The following AFF1 variants were observed in gnomAD, a reference collection of about 807,000 sequenced individuals.
AFF1 encodes AF4/FMR2 family member 1.
A neutral mutation model predicts 121.7 loss-of-function variants in AFF1; 48 were observed. That is an observed-to-expected ratio of 0.39 (90% CI 0.31 to 0.50). AFF1 has a LOEUF of 0.50. AFF1 is among the 20% of genes least tolerant of loss of function. The pLI is 0.76. For missense variants in AFF1, 1,523 were observed against 1,511.7 expected, an observed-to-expected ratio of 1.01 and a Z score of -0.12; for synonymous variants, 613 against 563.0, an observed-to-expected ratio of 1.09 and a Z score of -1.26.
chr4:87,110,186 ACTTTCT>A (rs1323151220), intron 11 of AFF1, among the ~76,000 whole-genome samples: 3 of 150,678 alleles, frequency 2.0e-5, no homozygotes, highest in Non-Finnish European at 4.4e-5. Flanking sequence ...TTTTTTTTTA[ACTTTCT>A]CTTTTCTTTG....
intron 2 of AFF1, among the ~76,000 whole-genome samples, chr4:86,967,112 A>C (rs1459299596): frequency 6.6e-6 from 1 of 152,184 alleles, no homozygotes; most frequent in African/African-American, 2.4e-5. Flanking sequence ...TGTCAGTGCT[A>C]TCAGGGAAAT....
rs1161232674 is a variant in AFF1 at position 87,126,685 on chromosome 4, G to GA, written c.2812-335dup. On this transcript the variant is annotated intron_variant, in intron 14 of 20. Transcript: ENST00000395146. ...TACTTTCATTCTTGGTTATAGTGGG[G>GA]AAAAAATGATCCACTTTCTCAAATA... 2.0e-5 allele frequency among the ~76,000 whole-genome samples: 3 copies of GA among 152,180 alleles called. No individual in the cohort carries two copies. In the East Asian group the frequency reaches 5.8e-4, roughly 29 times the overall value.
At chr4:87,052,405 T>A (rs1229862799) in intron 4 of AFF1, among the ~76,000 whole-genome samples, 1 of 152,184 alleles carries the variant, frequency 6.6e-6, no homozygotes, top group East Asian at 1.9e-4. Context: ...AGTGAGACCC[T>A]GTCTCAACCG....
chr4:86,988,521 A>G (rs1309700227), intron 2 of AFF1, among the ~76,000 whole-genome samples: 1 of 152,160 alleles, frequency 6.6e-6, no homozygotes, highest in Non-Finnish European at 1.5e-5. Flanking sequence ...ATTAAAAACC[A>G]CTGCTCAAGG....
intron 2 of AFF1, among the ~76,000 whole-genome samples, chr4:86,977,624 G>C (rs1690772255): frequency 6.6e-6 from 1 of 152,152 alleles, no homozygotes; most frequent in Non-Finnish European, 1.5e-5. Flanking sequence ...TCTTATCTCT[G>C]CTGTGGCGTT....
At chr4:86,951,893 C>T (rs553020601) in intron 2 of AFF1, among the ~76,000 whole-genome samples, 23 of 149,792 alleles carry the variant, frequency 1.5e-4, no homozygotes, top group Admixed American at 4.6e-4. Flanking sequence ...GGATTACAGG[C>T]GTGGGCCACC....
At position 87,062,898 on chromosome 4, in the gene AFF1, G is replaced by GATGGAAATAATTATTTGGAAATAATA. The variant is rs1184274417; in HGVS notation, c.1059+15307_1059+15308insGAAATAATTATTTGGAAATAATAATG. On this transcript the variant is annotated intron_variant, in intron 4 of 20. Coordinates refer to ENST00000395146, the MANE Select transcript of AFF1 (RefSeq NM_001166693.3). ...AAGGTTTTGTTTTTGGAAATAATTA[G>GATGGAAATAATTATTTGGAAATAATA]ATGAGGCTTTTAGGCATTATATATA... 2.8e-4 allele frequency among the ~76,000 whole-genome samples: 42 copies of GATGGAAATAATTATTTGGAAATAATA among 152,278 alleles called. No individual in the cohort carries two copies. The Middle Eastern group carries it at 0.014, about 49-fold the overall frequency.
chr4:87,056,526 A>G (rs146957973), intron 4 of AFF1, among the ~76,000 whole-genome samples: 23 of 152,356 alleles, frequency 1.5e-4, no homozygotes, highest in African/African-American at 5.0e-4. Flanking sequence ...GTTACTTCCA[A>G]CATTTTTTCA....
At chr4:87,000,840 G>A (rs1725654427) in intron 2 of AFF1, among the ~76,000 whole-genome samples, 1 of 152,062 alleles carries the variant, frequency 6.6e-6, no homozygotes, top group South Asian at 2.1e-4. Flanking sequence ...AGGTAAAGTT[G>A]AGCAGTAATT....
At chr4:86,963,315 G>T (rs779446391) in intron 2 of AFF1, among the ~76,000 whole-genome samples, 1 of 151,728 alleles carries the variant, frequency 6.6e-6, no homozygotes, top group Non-Finnish European at 1.5e-5. Flanking sequence ...GAAGTTCTCT[G>T]TTCTTAATCC....
At chr4:87,022,250 T>G (rs1037030280) in intron 2 of AFF1, among the ~76,000 whole-genome samples, 1 of 149,342 alleles carries the variant, frequency 6.7e-6, no homozygotes, top group African/African-American at 2.5e-5. Context: ...AAAACACTTT[T>G]AAAAGTCAAA....
At chr4:86,940,250 A>G (rs1213516993) in intron 1 of AFF1, among the ~76,000 whole-genome samples, 3 of 152,204 alleles carry the variant, frequency 2.0e-5, no homozygotes, top group Non-Finnish European at 4.4e-5. Context: ...GTTACAGAGG[A>G]ATGACTTTAT....
At chr4:87,007,298 G>T in intron 2 of AFF1, 1 of 1,575,842 alleles carries the variant, frequency 6.3e-7, no homozygotes, top group South Asian at 1.1e-5. Flanking sequence ...GCGCCGCGCC[G>T]GGACGCGTCC....
rs559453817 is a variant in AFF1, at chr4:87,003,015, A to G, written c.39-43151A>G. Among the ~76,000 whole-genome samples, 3 of 152,324 alleles carry G rather than the reference A, an allele frequency of 2.0e-5. No individual in the cohort carries two copies. The South Asian group carries it at 6.2e-4, about 32-fold the overall frequency. On this transcript the variant is annotated intron_variant, in intron 2 of 20. Transcript: ENST00000395146. ...GGTGTTTTCAAAACACTTGGAAATA[A>G]TAATGCCCATGTTGGTATTGCAGTA...
intron 2 of AFF1, among the ~76,000 whole-genome samples, chr4:87,035,998 T>C (rs1212171985): frequency 6.6e-6 from 1 of 152,112 alleles, no homozygotes; most frequent in Non-Finnish European, 1.5e-5. Flanking sequence ...AGTGGCCTGG[T>C]AATGAGGCCA....
chr4:86,993,947 A>G (rs1724918935), intron 2 of AFF1, among the ~76,000 whole-genome samples: 1 of 133,594 alleles, frequency 7.5e-6, no homozygotes, highest in South Asian at 2.2e-4. Context: ...CCTGGGAGAC[A>G]GAGCGAGACT....
chr4:87,068,961 C>T (rs1721669583), intron 4 of AFF1, among the ~76,000 whole-genome samples: 2 of 152,164 alleles, frequency 1.3e-5, no homozygotes, highest in African/African-American at 2.4e-5. Flanking sequence ...AGCTGCCCCA[C>T]AGTAAGTATG....
chr4:87,091,734 CT>C, intron 6 of AFF1, 58 bp from the exon 7 acceptor site: 2 of 1,173,476 alleles, frequency 1.7e-6, no homozygotes, highest in Non-Finnish European at 2.4e-6. Flanking sequence ...CAACGGTTTT[CT>C]CTTTAACTTT....
At position 86,985,172 on chromosome 4, in the gene AFF1, T is replaced by C. The variant is rs1216042942; in HGVS notation, c.38+36601T>C. ...ATATATAAAAATATAATATATATAA[T>C]ATGTATTACTATATATATATATATA... On this transcript the variant is annotated intron_variant, in intron 2 of 20. Transcript: ENST00000395146. 4.4e-5 allele frequency among the ~76,000 whole-genome samples: 5 copies of C among 114,874 alleles called. No individual in the cohort carries two copies. The South Asian group carries it at 1.4e-3, about 33-fold the overall frequency. 75.4% of individuals were successfully genotyped at this position (114,874 alleles called of 152,430 possible).
Sources: gnomAD v4.1 joint callset for allele counts (sites outside exome capture counted in the v4.1 genomes callset) on GRCh38, gnomAD v4.1.1 for gene constraint, MANE v1.5 for transcripts, NCBI Gene and HGNC (gene_info 2026-07-23, HGNC 2026-07-21) for gene names.